SDC2: variants seen among roughly 807,000 people sequenced by gnomAD.
SDC2 encodes the protein syndecan 2, also known as syndecan-2.
A neutral mutation model predicts 22.2 loss-of-function variants in SDC2; 13 were observed. The ratio of observed to expected loss-of-function variants is 0.59; its 90% CI spans 0.38 to 0.93. The LOEUF is 0.93. Ranked by LOEUF, SDC2 falls within the 40% of genes least tolerant of loss-of-function variation. SDC2 has a pLI of 0.00. For synonymous variants in SDC2, 94 were observed against 92.8 expected (o/e 1.01, Z -0.07); for missense variants, 235 against 246.8 (o/e 0.95, Z 0.32).
intron 1 of SDC2, among the ~76,000 whole-genome samples, chr8:96,567,958 A>G (rs1563664635): frequency 1.3e-5 from 2 of 152,184 alleles, no homozygotes; most frequent in South Asian, 2.1e-4. Context: ...TGTTGCTGTC[A>G]TTTGAACCCA....
intron 1 of SDC2, among the ~76,000 whole-genome samples, chr8:96,576,847 C>T (rs1204454676): frequency 6.6e-6 from 1 of 152,174 alleles, no homozygotes; most frequent in African/African-American, 2.4e-5. Context: ...AACACAATCT[C>T]ACCTAAGAAA....
chr8:96,512,903 T>C lies in SDC2; in HGVS notation c.60+18572T>C, dbSNP rs369521021. ...TAAAGATTATGTAAATAGAAGCCTT[T>C]AGTGCATCAAACGATGAGTGTTGGA... is the stretch of plus-strand genomic sequence containing the variant. On this transcript the variant is annotated intron_variant, in intron 1 of 4. Coordinates refer to ENST00000302190, the MANE Select transcript of SDC2 (RefSeq NM_002998.4). Among the ~76,000 whole-genome samples the C allele has an allele frequency of 2.6e-5, 4 of 152,362 alleles. No homozygotes were observed. In the East Asian group the frequency reaches 7.7e-4, roughly 29 times the overall value.
In SDC2 at chr8:96,519,064, C is replaced by T. The variant is rs143338995; in HGVS notation, c.60+24733C>T. 4.0e-3 allele frequency among the ~76,000 whole-genome samples: 602 copies of T among 152,252 alleles called. 4 individuals carry two copies. Among genetic ancestry groups the T allele is most frequent in the Non-Finnish European group, 7.1e-3 (481 of 68,012 alleles). ...ATCCAGACACTCCCACTACAGAGCC[C>T]TTGCGTGACAATTTTCTGTATCTAA... On this transcript the variant is annotated intron_variant, in intron 1 of 4. Coordinates refer to ENST00000302190, the MANE Select transcript of SDC2 (RefSeq NM_002998.4).
In SDC2 at chr8:96,576,368, G is replaced by GTTTTTTTTTTT. The variant is rs1481198542; in HGVS notation, c.61-17107_61-17106insTTTTTTTTTTT. Among the ~76,000 whole-genome samples the GTTTTTTTTTTT allele has an allele frequency of 8.4e-4, 14 of 16,608 alleles. 2 individuals carry two copies. Among genetic ancestry groups the GTTTTTTTTTTT allele is most frequent in the African/African-American group, 1.6e-3 (13 of 8,016 alleles). 10.9% of individuals were successfully genotyped at this position (16,608 alleles called of 152,430 possible). A position where few individuals can be genotyped will look rare whatever the true frequency, so the allele number is the denominator to read the frequency against. ...ACATAAGTTCAATAATTGGTAGTTT[G>GTTTTTTTTTTT]TTTTTGTTTTGTTTTGTTTTTTTTT... On this transcript the variant is annotated intron_variant, in intron 1 of 4. Coordinates refer to ENST00000302190, the MANE Select transcript of SDC2 (RefSeq NM_002998.4).
chr8:96,535,304 G>A (rs1194797378), intron 1 of SDC2, among the ~76,000 whole-genome samples: 1 of 152,138 alleles, frequency 6.6e-6, no homozygotes, highest in African/African-American at 2.4e-5. Context: ...ACTGTGCCCG[G>A]CCCCAAATAA....
chr8:96,495,203 A>T (rs546355669), intron 1 of SDC2, among the ~76,000 whole-genome samples: 1 of 152,242 alleles, frequency 6.6e-6, no homozygotes, highest in South Asian at 2.1e-4. Context: ...CCCTCCCGCC[A>T]CGCTCGCCCT....
chr8:96,610,423 T>C lies in SDC2; in HGVS notation c.*875T>C, dbSNP rs545564102. On this transcript the variant is annotated 3_prime_UTR_variant, in exon 5 of 5. Transcript: ENST00000302190. ...CAGTTTTTGTTCTTAAAAATGCATT[T>C]AAGTTGTAAACGTCTTTTTAAGCCT... 2 of 152,766 alleles carry C rather than the reference T, an allele frequency of 1.3e-5. No homozygotes were observed. The highest frequency in any genetic ancestry group is 3.9e-4 in the East Asian group (2 of 5,188). The allele number at this position is 152,766 out of a possible 1,614,324, so 9.5% of individuals were successfully genotyped here. A position where few individuals can be genotyped will look rare whatever the true frequency, so the allele number is the denominator to read the frequency against.
chr8:96,518,411 A>G (rs1408194320), intron 1 of SDC2, among the ~76,000 whole-genome samples: 2 of 142,088 alleles, frequency 1.4e-5, no homozygotes, highest in African/African-American at 2.7e-5. Flanking sequence ...CGCAGGCTGG[A>G]GTGCAGTGGC....
chr8:96,608,554 C>A, intron 4 of SDC2, 84 bp downstream of exon 4: 1 of 1,238,758 alleles, frequency 8.1e-7, no homozygotes, highest in African/African-American at 1.5e-5. Context: ...TGCAGCAAAG[C>A]TTGCTGTCAT....
At chr8:96,513,985 G>T (rs572145135) in intron 1 of SDC2, among the ~76,000 whole-genome samples, 74 of 152,146 alleles carry the variant, frequency 4.9e-4, no homozygotes, top group Non-Finnish European at 9.0e-4. Flanking sequence ...ACATTTTAAA[G>T]GTGAGTGCTG....
intron 1 of SDC2, among the ~76,000 whole-genome samples, chr8:96,510,772 C>T (rs1332732422): frequency 1.3e-5 from 2 of 152,152 alleles, no homozygotes; most frequent in Non-Finnish European, 2.9e-5. Context: ...TAAAATTCAA[C>T]ATCAGTTTAT....
intron 1 of SDC2, among the ~76,000 whole-genome samples, chr8:96,527,687 G>T (rs1425296963): frequency 6.6e-6 from 1 of 152,148 alleles, no homozygotes; most frequent in African/African-American, 2.4e-5. Context: ...GATGAACTGG[G>T]AATCAACATA....
chr8:96,609,532 A>C lies in SDC2; in HGVS notation c.590A>C (p.Lys197Thr), dbSNP rs779547784. The C allele has an allele frequency of 3.1e-6, 5 of 1,597,216 alleles. No homozygotes were observed. The South Asian group carries it at 5.7e-5, about 18-fold the overall frequency. Residue 197 changes from lysine (K) to threonine (T), a missense_variant, in exon 5 of 5, where the codon AAG becomes ACG. Transcript: ENST00000302190. ...SSAAYQKAPT[K>T]EFYA is the part of the protein sequence containing the mutation. ...GCTGCTTATCAGAAGGCACCTACTA[A>C]GGAGTTTTATGCGTAAAACTCCAAC...
intron 1 of SDC2, chr8:96,585,161 A>T (rs1814660674): frequency 6.6e-6 from 1 of 152,210 alleles, no homozygotes; most frequent in Non-Finnish European, 1.5e-5. Context: ...GTGTATTTTT[A>T]AAAAACGTAT....
intron 2 of SDC2, among the ~76,000 whole-genome samples, chr8:96,597,497 A>G (rs916839347): frequency 6.6e-5 from 10 of 152,230 alleles, no homozygotes; most frequent in African/African-American, 2.4e-4. Flanking sequence ...TAAACAGGCA[A>G]CCAAGGCTCC....
intron 1 of SDC2, among the ~76,000 whole-genome samples, chr8:96,566,411 T>C (rs1413833146): frequency 6.6e-6 from 1 of 152,204 alleles, no homozygotes; most frequent in Non-Finnish European, 1.5e-5. Flanking sequence ...GAAACAAACA[T>C]TAATTCATTT....
intron 1 of SDC2, among the ~76,000 whole-genome samples, chr8:96,567,337 T>C (rs888467291): frequency 6.6e-6 from 1 of 152,248 alleles, no homozygotes; most frequent in Non-Finnish European, 1.5e-5. Flanking sequence ...GTCTTAATTT[T>C]GGCATGTTTT....
At chr8:96,525,235 G>A (rs868760124) in intron 1 of SDC2, among the ~76,000 whole-genome samples, 1 of 152,148 alleles carries the variant, frequency 6.6e-6, no homozygotes, top group Non-Finnish European at 1.5e-5. Flanking sequence ...GCAGGAACTG[G>A]CACTGTCTTG....
chr8:96,527,739 G>A (rs1344173943), intron 1 of SDC2, among the ~76,000 whole-genome samples: 1 of 152,192 alleles, frequency 6.6e-6, no homozygotes, highest in Non-Finnish European at 1.5e-5. Context: ...GGCACTGAAT[G>A]TTTGGAATGG....
Sources: allele counts gnomAD v4.1 joint callset (sites outside exome capture counted in the v4.1 genomes callset), GRCh38; gene constraint gnomAD v4.1.1; transcripts MANE v1.5; gene names NCBI Gene and HGNC (gene_info 2026-07-23, HGNC 2026-07-21).